Variants in SEMA3D observed in about 807,000 individuals in gnomAD.
SEMA3D encodes semaphorin 3D, also known as semaphorin-3D.
A neutral mutation model predicts 100.1 loss-of-function variants in SEMA3D; 84 were observed. The ratio of observed to expected loss-of-function variants is 0.84; its 90% confidence interval spans 0.70 to 1.01. The LOEUF is 1.01. SEMA3D is among the 50% of genes least tolerant of loss of function. The pLI is 0.00. For synonymous variants in SEMA3D, 312 were observed against 320.7 expected (o/e 0.97, Z 0.29); for missense variants, 875 against 934.1 (o/e 0.94, Z 0.82).
chr7:85,144,158 T>C (rs1241613217), intron 2 of SEMA3D, among the ~76,000 whole-genome samples: 1 of 152,170 alleles, frequency 6.6e-6, no homozygotes, highest in Admixed American at 6.6e-5. Flanking sequence ...ATTTTCATGC[T>C]AAGTCTTCAG....
chr7:85,060,233 A>G (rs2116111084), intron 8 of SEMA3D, among the ~76,000 whole-genome samples: 1 of 152,342 alleles, frequency 6.6e-6, no homozygotes, highest in Admixed American at 6.5e-5. Context: ...TTTAATTATG[A>G]GAAAAAGAGT....
At chr7:85,187,313 T>A (rs1791586656), upstream of SEMA3D, among the ~76,000 whole-genome samples, 1 of 152,166 alleles carries the variant, frequency 6.6e-6, no homozygotes, top group Non-Finnish European at 1.5e-5. Flanking sequence ...CTTGGGGACT[T>A]CTTTAGTTCC....
intron 2 of SEMA3D, among the ~76,000 whole-genome samples, chr7:85,149,827 C>A (rs1790316158): frequency 6.6e-6 from 1 of 152,126 alleles, no homozygotes; most frequent in East Asian, 1.9e-4. Flanking sequence ...ATACAGTGAA[C>A]TCATCAGGAA....
intron 2 of SEMA3D, 23 bp from the exon 3 acceptor site, chr7:85,121,954 A>C (rs1290383394): frequency 1.0e-5 from 13 of 1,295,702 alleles, no homozygotes; most frequent in Non-Finnish European, 1.4e-5. Flanking sequence ...AAAAAAAAAA[A>C]AACTATTAAG....
chr7:85,046,974 AG>A (rs1791026300), intron 9 of SEMA3D, among the ~76,000 whole-genome samples: 1 of 151,874 alleles, frequency 6.6e-6, no homozygotes, highest in Non-Finnish European at 1.5e-5. Context: ...CACTTTTTGT[AG>A]TTAAGTGTTC....
the SEMA3D span, among the ~76,000 whole-genome samples, chr7:85,208,811 GTTTA>G: frequency 0.015 from 2,229 of 152,066 alleles, 46 homozygotes; most frequent in African/African-American, 0.052. Context: ...ATTTATGTTT[GTTTA>G]TTTATATATA....
In SEMA3D at chr7:84,995,768, A is replaced by G. The variant is rs890462510; in HGVS notation, c.*3672T>C. The G allele has an allele frequency of 6.6e-6, 1 of 152,056 alleles. No individual in the cohort carries two copies. Among genetic ancestry groups the G allele is most frequent in the Non-Finnish European group, 1.5e-5 (1 of 67,912 alleles). 9.4% of individuals were successfully genotyped at this position (152,056 alleles called of 1,614,324 possible). A position where few individuals can be genotyped will look rare whatever the true frequency, so the allele number is the denominator to read the frequency against. ...CACATTTTGCCCTTTCCCAAAAATCATCTATCTCAAACCCTTTCCATAAAT... is the reference window on the plus strand; with the variant it reads ...CACATTTTGCCCTTTCCCAAAAATCGTCTATCTCAAACCCTTTCCATAAAT... On this transcript the variant is annotated 3_prime_UTR_variant, in exon 19 of 19. Coordinates refer to ENST00000284136, the MANE Select transcript of SEMA3D (RefSeq NM_001384900.1).
chr7:85,215,117 CTT>C, the SEMA3D span, among the ~76,000 whole-genome samples: 37 of 128,264 alleles, frequency 2.9e-4, no homozygotes, highest in Non-Finnish European at 1.5e-4. Context: ...TTCTTTCTTT[CTT>C]TTTTTTTTTT....
rs1231252318 is a variant in SEMA3D, at chr7:84,999,289, A to G, written c.*151T>C. The stretch of plus-strand genomic sequence containing the variant: ...TCAAATGAATTTTTTGCCCTTTCTT[A>G]TATTCATCACATATTGTCTTATTCA... On this transcript the variant is annotated 3_prime_UTR_variant, in exon 19 of 19. Coordinates refer to ENST00000284136, the MANE Select transcript of SEMA3D (RefSeq NM_001384900.1). The G allele has an allele frequency of 3.0e-6, 2 of 658,520 alleles. No individual in the cohort carries two copies. Among genetic ancestry groups the G allele is most frequent in the Non-Finnish European group, 5.0e-6 (2 of 397,660 alleles). 40.8% of individuals were successfully genotyped at this position (658,520 alleles called of 1,614,324 possible).
rs1452999830 is a variant in SEMA3D at position 84,995,794 on chromosome 7, A to G, written c.*3646T>C. 1.3e-5 allele frequency: 2 copies of G among 151,868 alleles called. No individual in the cohort carries two copies. The highest frequency in any genetic ancestry group is 2.9e-5 in the Non-Finnish European group (2 of 67,876). The allele number at this position is 151,868 out of a possible 1,614,324, so 9.4% of individuals were successfully genotyped here. On this transcript the variant is annotated 3_prime_UTR_variant, in exon 19 of 19. Transcript: ENST00000284136. ...TCTATCTCAAACCCTTTCCATAAAT[A>G]CTTTATACTATAAAATATTTAAATG... is the stretch of plus-strand genomic sequence containing the variant.
At chr7:85,182,990 G>A (rs931948927) in intron 1 of SEMA3D, among the ~76,000 whole-genome samples, 9 of 152,186 alleles carry the variant, frequency 5.9e-5, no homozygotes, top group East Asian at 1.9e-4. Flanking sequence ...GTATTGAACC[G>A]CCCAGACAGA....
At chr7:85,246,874 A>G in the SEMA3D span, among the ~76,000 whole-genome samples, 1 of 151,980 alleles carries the variant, frequency 6.6e-6, no homozygotes, top group Non-Finnish European at 1.5e-5. Context: ...CTTGCCACAC[A>G]AAATGTATAA....
chr7:85,092,516 G>A (rs1276086292), intron 4 of SEMA3D, among the ~76,000 whole-genome samples: 1 of 151,912 alleles, frequency 6.6e-6, no homozygotes, highest in Non-Finnish European at 1.5e-5. Flanking sequence ...CGGCTGCAGA[G>A]ACTGACAAAA....
At chr7:85,147,338 G>A (rs1295335675) in intron 2 of SEMA3D, among the ~76,000 whole-genome samples, 1 of 151,912 alleles carries the variant, frequency 6.6e-6, no homozygotes, top group Non-Finnish European at 1.5e-5. Flanking sequence ...CTGACCTCAA[G>A]TGATCTGCCC....
At chr7:85,098,956 C>A (rs1210074333) in intron 3 of SEMA3D, among the ~76,000 whole-genome samples, 1 of 151,816 alleles carries the variant, frequency 6.6e-6, no homozygotes, top group African/African-American at 2.4e-5. Flanking sequence ...TGGCTTCTTT[C>A]ACTTAGTAAT....
At chr7:85,239,418 G>A in the SEMA3D span, among the ~76,000 whole-genome samples, 1 of 152,162 alleles carries the variant, frequency 6.6e-6, no homozygotes, top group Non-Finnish European at 1.5e-5. Context: ...TTTAACTGAT[G>A]CTAGACCTGC....
chr7:85,108,888 C>CT (rs1392166421), intron 3 of SEMA3D, among the ~76,000 whole-genome samples: 12 of 150,900 alleles, frequency 8.0e-5, no homozygotes, highest in East Asian at 5.8e-4. Flanking sequence ...TTCCCCTCAG[C>CT]TTTTTTTTCA....
intron 3 of SEMA3D, among the ~76,000 whole-genome samples, chr7:85,119,414 C>T (rs986748155): frequency 3.9e-5 from 6 of 152,102 alleles, no homozygotes; most frequent in African/African-American, 1.4e-4. Flanking sequence ...TACATACATA[C>T]CCTGGAATAC....
At chr7:85,171,356 C>A (rs1016051238) in intron 1 of SEMA3D, among the ~76,000 whole-genome samples, 5 of 151,818 alleles carry the variant, frequency 3.3e-5, no homozygotes, top group African/African-American at 1.2e-4. Context: ...AGAACAGAAC[C>A]GTGGACAAAG....
Sources: gnomAD v4.1 joint callset for allele counts (sites outside exome capture counted in the v4.1 genomes callset) on GRCh38, gnomAD v4.1.1 for gene constraint, MANE v1.5 for transcripts, NCBI Gene and HGNC (gene_info 2026-07-23, HGNC 2026-07-21) for gene names.